The following STRBP variants were observed in gnomAD, a reference collection of about 807,000 sequenced individuals.
STRBP encodes spermatid perinuclear RNA binding protein.
STRBP carries 13 observed loss-of-function variants against 80.1 expected under a neutral mutation model. The observed-to-expected ratio is 0.16, with a 90% confidence interval of 0.11 to 0.26. The LOEUF (loss-of-function observed/expected upper bound fraction) is 0.26. Among genes scored for constraint, STRBP ranks in the 10% least tolerant of loss-of-function variants. The pLI is 1.00. For synonymous variants in STRBP, 284 were observed against 291.2 expected (o/e 0.98, Z 0.25); for missense variants, 485 against 815.2 (o/e 0.59, Z 4.93).
chr9:123,262,393 T>C (rs2041177430), intron 1 of STRBP, among the ~76,000 whole-genome samples: 2 of 152,320 alleles, frequency 1.3e-5, no homozygotes, highest in East Asian at 1.9e-4. Context: ...ATCTGCCCAA[T>C]AGGATATTGT....
At position 123,125,318 on chromosome 9, in the gene STRBP, C is replaced by T. The variant is rs1164268790; in HGVS notation, c.*279G>A. ...TCTGATACGTCTCTTAAAACTTAAA[C>T]TTTGAACTGCTAGACTTTTATTTCC... is the stretch of plus-strand genomic sequence containing the variant. On this transcript the variant is annotated 3_prime_UTR_variant, in exon 19 of 19. Transcript: ENST00000348403. 5 of 1,106,000 alleles carry T rather than the reference C, an allele frequency of 4.5e-6. No homozygotes were observed. The East Asian group carries it at 2.7e-4, about 60-fold the overall frequency. The allele number at this position is 1,106,000 out of a possible 1,614,324, so 68.5% of individuals were successfully genotyped here.
intron 1 of STRBP, among the ~76,000 whole-genome samples, chr9:123,242,758 G>T (rs1249638465): frequency 6.6e-6 from 1 of 152,140 alleles, no homozygotes; most frequent in East Asian, 1.9e-4. Flanking sequence ...GGGCTAAAAA[G>T]TTTAACATTT....
downstream of STRBP, among the ~76,000 whole-genome samples, chr9:123,117,492 A>T (rs1356992642): frequency 6.6e-6 from 1 of 152,156 alleles, no homozygotes; most frequent in Non-Finnish European, 1.5e-5. Flanking sequence ...AAAGCCATCC[A>T]AGCAGGGCTT....
At chr9:123,170,770 A>G (rs1272200494) in intron 5 of STRBP, among the ~76,000 whole-genome samples, 6 of 152,180 alleles carry the variant, frequency 3.9e-5, no homozygotes, top group African/African-American at 1.4e-4. Context: ...TCAGAATTAT[A>G]TATTAAGTTA....
At chr9:123,134,355 T>A (rs913274272) in intron 16 of STRBP, among the ~76,000 whole-genome samples, 1 of 152,186 alleles carries the variant, frequency 6.6e-6, no homozygotes, top group Admixed American at 6.5e-5. Context: ...AAATGCAACA[T>A]CCTTTATTCT....
At chr9:123,217,905 A>G (rs1193551902) in intron 2 of STRBP, among the ~76,000 whole-genome samples, 1 of 152,228 alleles carries the variant, frequency 6.6e-6, no homozygotes, top group Non-Finnish European at 1.5e-5. Flanking sequence ...GTCAGTCCAG[A>G]TATTTCAATG....
At chr9:123,257,577 T>C (rs1406573935) in intron 1 of STRBP, among the ~76,000 whole-genome samples, 1 of 152,200 alleles carries the variant, frequency 6.6e-6, no homozygotes, top group East Asian at 1.9e-4. Flanking sequence ...GGCTTTGGGA[T>C]ACCCAGGCAG....
chr9:123,134,266 C>A (rs762597964), intron 16 of STRBP, among the ~76,000 whole-genome samples: 31 of 152,178 alleles, frequency 2.0e-4, no homozygotes, highest in Non-Finnish European at 3.8e-4. Context: ...AGCCTCAAAG[C>A]GTACTCTATG....
At position 123,124,304 on chromosome 9, in the gene STRBP, C is replaced by A. The variant is rs1270990609; in HGVS notation, c.*1293G>T. Reference sequence around the variant, plus strand: ...ACAGGGGACCACACTGCTGCTCCTTCATGGGGGTGAGTACCTTAATGAAAC... The same window carrying A: ...ACAGGGGACCACACTGCTGCTCCTTAATGGGGGTGAGTACCTTAATGAAAC... On this transcript the variant is annotated 3_prime_UTR_variant, in exon 19 of 19. Coordinates refer to ENST00000348403, the MANE Select transcript of STRBP (RefSeq NM_018387.5). 9.1e-6 allele frequency: 9 copies of A among 985,314 alleles called. No homozygotes were observed. Among genetic ancestry groups the A allele is most frequent in the Non-Finnish European group, 1.1e-5 (9 of 829,944 alleles). 61.0% of individuals were successfully genotyped at this position (985,314 alleles called of 1,614,324 possible).
At chr9:123,224,876 G>T (rs75661021) in intron 2 of STRBP, among the ~76,000 whole-genome samples, 220 of 152,222 alleles carry the variant, frequency 1.4e-3, no homozygotes, top group African/African-American at 5.2e-3. Flanking sequence ...CATACCTAGA[G>T]AAACATATAT....
chr9:123,162,787 TTATAAA>T (rs1220084942), intron 6 of STRBP, among the ~76,000 whole-genome samples: 2 of 152,240 alleles, frequency 1.3e-5, no homozygotes, highest in African/African-American at 4.8e-5. Flanking sequence ...TTACTCTGAT[TTATAAA>T]TATAAACAAA....
At chr9:123,188,692 T>C (rs2132478337) in intron 2 of STRBP, among the ~76,000 whole-genome samples, 1 of 152,280 alleles carries the variant, frequency 6.6e-6, no homozygotes, top group Admixed American at 6.5e-5. Context: ...GCTATCTATA[T>C]TCAAACTATG....
intron 2 of STRBP, among the ~76,000 whole-genome samples, chr9:123,198,959 T>G (rs2132503612): frequency 6.6e-6 from 1 of 152,334 alleles, no homozygotes; most frequent in Non-Finnish European, 1.5e-5. Context: ...CCTACTTCTT[T>G]TTTTGAGATG....
chr9:123,255,889 CT>C (rs932957478), intron 1 of STRBP, among the ~76,000 whole-genome samples: 83 of 152,248 alleles, frequency 5.5e-4, no homozygotes, highest in African/African-American at 1.9e-3. Flanking sequence ...CTTGGGCTCC[CT>C]GCTTATACTG....
rs1319830628 is a variant in STRBP at position 123,183,522 on chromosome 9, G to GA, written c.3+609dup. On this transcript the variant is annotated intron_variant, in intron 3 of 18. Coordinates refer to ENST00000348403, the MANE Select transcript of STRBP (RefSeq NM_018387.5). ...CCCTCCAGAACTCATAATACTAAGG[G>GA]AAAAAAAATCAGCACATTTTACCAA... Among the ~76,000 whole-genome samples the GA allele has an allele frequency of 6.6e-5, 10 of 151,372 alleles. 1 individual carries two copies. In the South Asian group the frequency reaches 1.0e-3, roughly 16 times the overall value.
chr9:123,136,473 G>T lies in STRBP; in HGVS notation c.1540C>A (p.Pro514Thr). ...GPILTASGKN[P>T]VMELNEKRRG... ...CTTTTTTCATTGAGCTCCATTACAG[G>T]GTTTTTGCCACTTGCTGTGAGGATA... Residue 514 changes from proline (P) to threonine (T), a missense_variant, in exon 15 of 19, where the codon CCT (proline) becomes ACT (threonine). Coordinates refer to ENST00000348403, the MANE Select transcript of STRBP (RefSeq NM_018387.5). The surrounding 1 kb of genome is among the most constrained non-coding windows in gnomAD (Gnocchi z 4.2). 1 of 1,614,018 alleles carries T rather than the reference G, an allele frequency of 6.2e-7. No homozygotes were observed. Among genetic ancestry groups the T allele is most frequent in the Non-Finnish European group, 8.5e-7 (1 of 1,179,990 alleles).
At chr9:123,180,956 C>A (rs554393046) in intron 3 of STRBP, 1 of 984,296 alleles carries the variant, frequency 1.0e-6, no homozygotes, top group Non-Finnish European at 1.2e-6. Context: ...AACAGTCTTG[C>A]CTCTTTTGTT....
intron 2 of STRBP, among the ~76,000 whole-genome samples, chr9:123,205,553 T>C (rs534090461): frequency 2.6e-5 from 4 of 152,274 alleles, no homozygotes; most frequent in African/African-American, 9.6e-5. Context: ...AATTACCAAT[T>C]TTGAAACAAG....
intron 2 of STRBP, among the ~76,000 whole-genome samples, chr9:123,235,571 G>A (rs1195845485): frequency 1.5e-5 from 1 of 65,358 alleles, no homozygotes; most frequent in Non-Finnish European, 3.4e-5. Flanking sequence ...TCTGGATGAA[G>A]AGACAAGTTC....
Sources: allele counts gnomAD v4.1 joint callset (sites outside exome capture counted in the v4.1 genomes callset), GRCh38; gene constraint gnomAD v4.1.1; non-coding constraint Gnocchi (gnomAD v3.1); transcripts MANE v1.5; gene names NCBI Gene and HGNC (gene_info 2026-07-23, HGNC 2026-07-21).